The following ASTN2 variants were observed in gnomAD, a reference collection of about 807,000 sequenced individuals.
The protein encoded by ASTN2 is astrotactin-2.
ASTN2 carries 54 observed loss-of-function variants against 139.8 expected under a neutral mutation model. That is an observed-to-expected ratio of 0.39 (90% CI 0.31 to 0.48). The LOEUF is 0.48. Ranked by LOEUF, ASTN2 falls within the 20% of genes least tolerant of loss-of-function variation. The pLI is 0.95. For missense variants in ASTN2, 1,565 were observed against 1,725.1 expected (o/e 0.91, Z 1.64); for synonymous variants, 756 against 719.5 (o/e 1.05, Z -0.81).
intron 16 of ASTN2, among the ~76,000 whole-genome samples, chr9:116,662,056 A>T (rs116267086): frequency 2.2e-3 from 329 of 151,966 alleles, no homozygotes; most frequent in African/African-American, 7.5e-3. Context: ...ACAAGGCAAA[A>T]GGGTGGATGG....
At chr9:117,148,199 T>C (rs1454379883) in intron 3 of ASTN2, among the ~76,000 whole-genome samples, 1 of 152,216 alleles carries the variant, frequency 6.6e-6, no homozygotes, top group Admixed American at 6.5e-5. Flanking sequence ...CGAGTTCCAG[T>C]ATCAACTCTC....
chr9:117,329,601 C>T (rs1828636440), intron 1 of ASTN2, among the ~76,000 whole-genome samples: 1 of 152,056 alleles, frequency 6.6e-6, no homozygotes, highest in African/African-American at 2.4e-5. Context: ...TCTTAGTCAA[C>T]CAAATGACAA....
intron 19 of ASTN2, among the ~76,000 whole-genome samples, chr9:116,555,131 C>T (rs1280601075): frequency 2.0e-5 from 3 of 152,122 alleles, no homozygotes; most frequent in Non-Finnish European, 2.9e-5. Context: ...TTAATTGGTG[C>T]TTGTAAGAGA....
Position 117,319,186 on chromosome 9 carries a change from T to C in ASTN2, c.443-27673A>G, listed in dbSNP as rs148054404. ...TAGTGAGGCCCCATAATGGGTTGTTTTATGCAGATCTATAGTCTCACCTTC... is the reference window on the plus strand; with the variant it reads ...TAGTGAGGCCCCATAATGGGTTGTTCTATGCAGATCTATAGTCTCACCTTC... On this transcript the variant is annotated intron_variant, in intron 1 of 22. Coordinates refer to ENST00000313400, the MANE Select transcript of ASTN2 (RefSeq NM_001365068.1). Among the ~76,000 whole-genome samples the C allele has an allele frequency of 9.0e-3, 1,375 of 152,302 alleles. 19 individuals are homozygous for C. The highest frequency in any genetic ancestry group is 0.031 in the African/African-American group (1,298 of 41,556).
intron 10 of ASTN2, among the ~76,000 whole-genome samples, chr9:116,946,973 T>A (rs1835418333): frequency 6.9e-6 from 1 of 145,636 alleles, no homozygotes; most frequent in Non-Finnish European, 1.5e-5. Flanking sequence ...GTCTTTAAAT[T>A]TCTAGGTGGG....
intron 19 of ASTN2, among the ~76,000 whole-genome samples, chr9:116,535,197 T>C (rs1851561076): frequency 6.6e-6 from 1 of 152,174 alleles, no homozygotes; most frequent in Admixed American, 6.5e-5. Context: ...TGCCTTTTTG[T>C]ATTTTCCTTT....
At chr9:116,645,085 A>T (rs1207103761) in intron 17 of ASTN2, among the ~76,000 whole-genome samples, 1 of 152,210 alleles carries the variant, frequency 6.6e-6, no homozygotes, top group Non-Finnish European at 1.5e-5. Flanking sequence ...TGCCTACTTT[A>T]CAAATAAGTA....
intron 19 of ASTN2, among the ~76,000 whole-genome samples, chr9:116,578,158 A>T (rs897161104): frequency 6.6e-6 from 1 of 152,180 alleles, no homozygotes; most frequent in African/African-American, 2.4e-5. Context: ...CATTTACAAT[A>T]ACCCAGAAGA....
intron 2 of ASTN2, among the ~76,000 whole-genome samples, chr9:117,243,626 G>A (rs1476367010): frequency 4.6e-5 from 7 of 152,212 alleles, no homozygotes; most frequent in South Asian, 4.1e-4. Context: ...CCATCATAAC[G>A]TCACTTGGCT....
intron 16 of ASTN2, among the ~76,000 whole-genome samples, chr9:116,695,578 A>T (rs1041320517): frequency 2.6e-5 from 4 of 152,218 alleles, no homozygotes; most frequent in African/African-American, 9.7e-5. Flanking sequence ...CATTGTCCTT[A>T]AAATCAAACG....
In ASTN2 at chr9:116,593,448, G is replaced by A. The variant is rs115710122; in HGVS notation, c.3355+24876C>T. Reference sequence around the variant, plus strand: ...ATGTTAAAGGAAGAGAATGTCTGAAGGGAGGTAACCTGCTTTTTATCTTTA... The same window carrying A: ...ATGTTAAAGGAAGAGAATGTCTGAAAGGAGGTAACCTGCTTTTTATCTTTA... On this transcript the variant is annotated intron_variant, in intron 19 of 22. Transcript: ENST00000313400. 4.6e-3 allele frequency among the ~76,000 whole-genome samples: 695 copies of A among 152,282 alleles called. 3 individuals are homozygous for A. Among genetic ancestry groups the A allele is most frequent in the African/African-American group, 0.016 (673 of 41,552 alleles).
intron 10 of ASTN2, among the ~76,000 whole-genome samples, chr9:116,905,870 G>T (rs1834143150): frequency 6.7e-6 from 1 of 149,678 alleles, no homozygotes; most frequent in Non-Finnish European, 1.5e-5. Flanking sequence ...TTTTTTTGGG[G>T]GGGGGTGCGG....
At chr9:116,689,743 G>A (rs1031228669) in intron 16 of ASTN2, among the ~76,000 whole-genome samples, 1 of 152,156 alleles carries the variant, frequency 6.6e-6, no homozygotes, top group African/African-American at 2.4e-5. Flanking sequence ...TGATTAGGTA[G>A]GGAGGAGCCC....
intron 6 of ASTN2, among the ~76,000 whole-genome samples, chr9:117,026,009 C>T (rs12345552): frequency 0.056 from 8,493 of 152,110 alleles, 722 homozygotes; most frequent in African/African-American, 0.18. Context: ...AAGTATTCTG[C>T]CCACCTCAGC....
chr9:117,277,354 T>C (rs2133135991), intron 2 of ASTN2: 1 of 152,328 alleles, frequency 6.6e-6, no homozygotes, highest in Admixed American at 6.5e-5. Flanking sequence ...ATTCTTTTTG[T>C]TGTTGGTAGT....
intron 1 of ASTN2, among the ~76,000 whole-genome samples, chr9:117,351,480 C>CAA (rs1829384363): frequency 6.6e-6 from 1 of 152,160 alleles, no homozygotes; most frequent in Admixed American, 6.5e-5. Context: ...TTACTTGAGT[C>CAA]AAAATCCTAC....
chr9:116,997,676 T>A (rs1263354930), intron 7 of ASTN2, among the ~76,000 whole-genome samples: 1 of 152,208 alleles, frequency 6.6e-6, no homozygotes, highest in Non-Finnish European at 1.5e-5. Context: ...AGTAAATATA[T>A]GAACTTGAGA....
At chr9:116,869,133 C>T (rs974052010) in intron 10 of ASTN2, among the ~76,000 whole-genome samples, 8 of 151,838 alleles carry the variant, frequency 5.3e-5, no homozygotes, top group Non-Finnish European at 8.8e-5. Context: ...TGTAGTGAGC[C>T]GAGATCACAG....
intron 11 of ASTN2, among the ~76,000 whole-genome samples, chr9:116,834,730 T>A (rs190545103): frequency 2.2e-4 from 33 of 152,334 alleles, no homozygotes; most frequent in Non-Finnish European, 4.4e-4. Flanking sequence ...ACTCCACTAA[T>A]TTATGCCTTT....
Sources: allele counts gnomAD v4.1 joint callset (sites outside exome capture counted in the v4.1 genomes callset), GRCh38; gene constraint gnomAD v4.1.1; transcripts MANE v1.5; gene names NCBI Gene and HGNC (gene_info 2026-07-23, HGNC 2026-07-21).